Variants in KCNT2 observed in about 807,000 individuals in gnomAD.
KCNT2 encodes potassium sodium-activated channel subfamily T member 2, also known as potassium channel subfamily T member 2.
Under a neutral mutation model 153.8 loss-of-function variants are expected in KCNT2, and 67 were observed. The ratio of observed to expected loss-of-function variants is 0.44; its 90% CI spans 0.36 to 0.53. The LOEUF is 0.53. Among genes scored for constraint, KCNT2 ranks in the 20% least tolerant of loss-of-function variants. KCNT2 has a pLI of 0.00. For synonymous variants in KCNT2, 500 were observed against 458.8 expected (o/e 1.09, Z -1.15); for missense variants, 975 against 1,354.8 (o/e 0.72, Z 4.40).
At chr1:196,433,182 C>T (rs1674314669) in intron 8 of KCNT2, among the ~76,000 whole-genome samples, 2 of 152,112 alleles carry the variant, frequency 1.3e-5, no homozygotes, top group South Asian at 4.2e-4. Context: ...TTGATCTTGG[C>T]CTTCACAGCC....
At chr1:196,457,415 C>T (rs1247970639) in intron 8 of KCNT2, among the ~76,000 whole-genome samples, 1 of 150,462 alleles carries the variant, frequency 6.6e-6, no homozygotes, top group Non-Finnish European at 1.5e-5. Context: ...GTTATACTTA[C>T]TGAATTGATT....
intron 12 of KCNT2, among the ~76,000 whole-genome samples, chr1:196,418,682 C>A (rs1034085644): frequency 6.6e-6 from 1 of 152,064 alleles, no homozygotes; most frequent in African/African-American, 2.4e-5. Context: ...TTATTCTCCT[C>A]TTACAAGGAC....
intron 4 of KCNT2, 54 bp downstream of exon 4, chr1:196,482,277 T>C (rs1679075515): frequency 4.4e-6 from 5 of 1,128,806 alleles, no homozygotes; most frequent in Non-Finnish European, 6.5e-6. Flanking sequence ...AGTACTTCTC[T>C]GTGAAATGTG....
intron 3 of KCNT2, among the ~76,000 whole-genome samples, chr1:196,486,387 G>A (rs1019026938): frequency 3.3e-5 from 5 of 151,880 alleles, no homozygotes; most frequent in Non-Finnish European, 5.9e-5. Flanking sequence ...CTGTCCTGTT[G>A]ATAAAATTCA....
At chr1:196,584,628 A>G (rs985226552) in intron 1 of KCNT2, among the ~76,000 whole-genome samples, 15 of 152,130 alleles carry the variant, frequency 9.9e-5, no homozygotes, top group Non-Finnish European at 1.6e-4. Flanking sequence ...ATATTTTCAG[A>G]AAAGTATATT....
At chr1:196,345,269 G>A (rs1269616857) in intron 14 of KCNT2, among the ~76,000 whole-genome samples, 1 of 152,138 alleles carries the variant, frequency 6.6e-6, no homozygotes, top group Non-Finnish European at 1.5e-5. Flanking sequence ...TATTTTAGCA[G>A]GTAGAATAAA....
At chr1:196,442,992 A>G (rs1365090175) in intron 8 of KCNT2, among the ~76,000 whole-genome samples, 1 of 151,648 alleles carries the variant, frequency 6.6e-6, no homozygotes, top group Non-Finnish European at 1.5e-5. Flanking sequence ...GGTTATGATC[A>G]TTTAGATAAA....
At chr1:196,588,845 C>T (rs546209796) in intron 1 of KCNT2, among the ~76,000 whole-genome samples, 1 of 151,874 alleles carries the variant, frequency 6.6e-6, no homozygotes, top group African/African-American at 2.4e-5. Flanking sequence ...GCATTAAACA[C>T]CATGAAATAT....
intron 8 of KCNT2, among the ~76,000 whole-genome samples, chr1:196,452,617 G>A (rs1278384928): frequency 2.6e-5 from 4 of 151,930 alleles, no homozygotes; most frequent in African/African-American, 9.7e-5. Context: ...TTTGACTTCA[G>A]GTTAGATTCT....
intron 14 of KCNT2, among the ~76,000 whole-genome samples, chr1:196,364,320 AT>A (rs1667867368): frequency 6.6e-6 from 1 of 152,118 alleles, no homozygotes; most frequent in South Asian, 2.1e-4. Context: ...TTAACCTAAT[AT>A]TTCCAAACTT....
chr1:196,522,984 C>T (rs1039877703), intron 1 of KCNT2, among the ~76,000 whole-genome samples: 8 of 152,208 alleles, frequency 5.3e-5, no homozygotes, highest in Non-Finnish European at 1.2e-4. Flanking sequence ...CCACTTGGGT[C>T]CCCTTCCATG....
intron 26 of KCNT2, among the ~76,000 whole-genome samples, chr1:196,250,806 G>C (rs1443047296): frequency 1.3e-5 from 2 of 151,874 alleles, no homozygotes; most frequent in African/African-American, 2.4e-5. Context: ...TTAAAAATGG[G>C]CAAAAGAGAT....
rs560487763 is a variant in KCNT2 at position 196,456,680 on chromosome 1, T to G, written c.638+8613A>C. 1.1e-4 allele frequency among the ~76,000 whole-genome samples: 16 copies of G among 152,082 alleles called. No homozygotes were observed. In the East Asian group the frequency reaches 2.7e-3, roughly 26 times the overall value. ...TTATCTGAAGTCCATTTTGACTTTG[T>G]TCATACCACTAGTGTTATACATGAT... is the stretch of plus-strand genomic sequence containing the variant. On this transcript the variant is annotated intron_variant, in intron 8 of 27. Transcript: ENST00000294725.
At chr1:196,298,667 C>T (rs536395556) in intron 22 of KCNT2, among the ~76,000 whole-genome samples, 2 of 151,712 alleles carry the variant, frequency 1.3e-5, no homozygotes, top group South Asian at 4.2e-4. Context: ...AACCCAGGCC[C>T]CAGCCCCTCT....
At chr1:196,580,154 T>C (rs935316276) in intron 1 of KCNT2, among the ~76,000 whole-genome samples, 2 of 152,058 alleles carry the variant, frequency 1.3e-5, no homozygotes, top group African/African-American at 4.8e-5. Context: ...AATAGGACAC[T>C]CAAGTAAAGA....
At chr1:196,579,532 C>T (rs1335604945) in intron 1 of KCNT2, among the ~76,000 whole-genome samples, 3 of 151,914 alleles carry the variant, frequency 2.0e-5, no homozygotes, top group Non-Finnish European at 4.4e-5. Flanking sequence ...CTCACTTTGT[C>T]ACCCAGGTTG....
At chr1:196,347,331 C>G (rs1231848880) in intron 14 of KCNT2, among the ~76,000 whole-genome samples, 1 of 152,202 alleles carries the variant, frequency 6.6e-6, no homozygotes, top group South Asian at 2.1e-4. Flanking sequence ...AGACTTAATT[C>G]AAGACTGATT....
chr1:196,563,480 A>ATT (rs1553255252), intron 1 of KCNT2, among the ~76,000 whole-genome samples: 1 of 147,594 alleles, frequency 6.8e-6, no homozygotes, highest in African/African-American at 2.5e-5. Flanking sequence ...AACTTTTCAA[A>ATT]CTTCCAAAAA....
intron 14 of KCNT2, among the ~76,000 whole-genome samples, chr1:196,363,570 T>C (rs1252593366): frequency 2.0e-5 from 3 of 152,184 alleles, no homozygotes; most frequent in African/African-American, 4.8e-5. Flanking sequence ...CATAGGGCTC[T>C]GCCTCATAGA....
Sources: allele counts gnomAD v4.1 joint callset (sites outside exome capture counted in the v4.1 genomes callset), GRCh38; gene constraint gnomAD v4.1.1; transcripts MANE v1.5; gene names NCBI Gene and HGNC (gene_info 2026-07-23, HGNC 2026-07-21).